The following GPATCH8 variants were observed in gnomAD, a reference collection of about 807,000 sequenced individuals.
GPATCH8 encodes the protein G patch domain-containing protein 8.
GPATCH8 carries 18 observed loss-of-function variants against 118.3 expected under a neutral mutation model. That is an observed-to-expected ratio of 0.15 (90% CI 0.11 to 0.23). The LOEUF is 0.23. Ranked by LOEUF, GPATCH8 falls within the 10% of genes least tolerant of loss-of-function variation. GPATCH8 has a pLI of 1.00. For synonymous variants in GPATCH8, 659 were observed against 684.7 expected, an observed-to-expected ratio of 0.96 and a Z score of 0.59; for missense variants, 1,631 against 1,873.8, an observed-to-expected ratio of 0.87 and a Z score of 2.39.
chr17:44,479,926 C>T lies in GPATCH8; in HGVS notation c.46-5023G>A, dbSNP rs374668898. Reference sequence around the variant, plus strand: ...AGGTTGCAGTGAGCCGAGACTGCGCCACTGCACTCCAGCTTGGCGACAGAG... The same window carrying T: ...AGGTTGCAGTGAGCCGAGACTGCGCTACTGCACTCCAGCTTGGCGACAGAG... On this transcript the variant is annotated intron_variant, in intron 1 of 7. Coordinates refer to ENST00000591680, the MANE Select transcript of GPATCH8 (RefSeq NM_001002909.4). 1.7e-3 allele frequency among the ~76,000 whole-genome samples: 264 copies of T among 150,996 alleles called. 14 individuals are homozygous for T. The South Asian group carries it at 0.054, about 31-fold the overall frequency.
chr17:44,500,301 C>A (rs1178162169), intron 1 of GPATCH8, among the ~76,000 whole-genome samples: 1 of 152,096 alleles, frequency 6.6e-6, no homozygotes, highest in Non-Finnish European at 1.5e-5. Flanking sequence ...CAGCTGAAAA[C>A]GGCAGTAATA....
At chr17:44,501,007 A>G (rs1182297317) in intron 1 of GPATCH8, among the ~76,000 whole-genome samples, 1 of 152,224 alleles carries the variant, frequency 6.6e-6, no homozygotes, top group Non-Finnish European at 1.5e-5. Flanking sequence ...TTTTCAATGA[A>G]TGTACTTTAG....
intron 3 of GPATCH8, among the ~76,000 whole-genome samples, chr17:44,460,715 TGTGAA>T (rs1441810317): frequency 1.3e-5 from 2 of 152,238 alleles, no homozygotes; most frequent in Non-Finnish European, 2.9e-5. Flanking sequence ...AACTAGTCAA[TGTGAA>T]GAACTTACAA....
At chr17:44,414,521 A>G (rs115253053) in intron 6 of GPATCH8, among the ~76,000 whole-genome samples, 39 of 152,272 alleles carry the variant, frequency 2.6e-4, no homozygotes, top group African/African-American at 8.9e-4. Flanking sequence ...GTTGCCCAGG[A>G]TAGTCTCAAA....
intron 5 of GPATCH8, among the ~76,000 whole-genome samples, chr17:44,434,772 A>C (rs2050439785): frequency 6.6e-6 from 1 of 152,224 alleles, no homozygotes; most frequent in Non-Finnish European, 1.5e-5. Context: ...AAGGACTTTT[A>C]ACAATTTTTA....
chr17:44,453,659 G>A (rs180909412), intron 3 of GPATCH8, among the ~76,000 whole-genome samples: 2 of 151,920 alleles, frequency 1.3e-5, no homozygotes, highest in Admixed American at 1.3e-4. Flanking sequence ...CAAGTAGCTG[G>A]GACTAAGGGT....
intron 3 of GPATCH8, 55 bp downstream of exon 3, chr17:44,464,417 G>T: frequency 1.0e-6 from 1 of 998,096 alleles, no homozygotes; most frequent in Non-Finnish European, 1.6e-6. Context: ...TCAGGTACAA[G>T]ATCTGCATCA....
At chr17:44,477,473 G>A (rs1313076056) in intron 1 of GPATCH8, among the ~76,000 whole-genome samples, 1 of 151,950 alleles carries the variant, frequency 6.6e-6, no homozygotes, top group African/African-American at 2.4e-5. Flanking sequence ...TGGGCTCAAG[G>A]AGCCCAGCCT....
rs562567318 is a variant in GPATCH8 at position 44,434,441 on chromosome 17, C to T, written c.348+624G>A. Among the ~76,000 whole-genome samples, 8 of 152,298 alleles carry T rather than the reference C, an allele frequency of 5.3e-5. No homozygotes were observed. The South Asian group carries it at 1.5e-3, about 28-fold the overall frequency. On this transcript the variant is annotated intron_variant, in intron 5 of 7. Coordinates refer to ENST00000591680, the MANE Select transcript of GPATCH8 (RefSeq NM_001002909.4). Reference sequence around the variant, plus strand: ...AAAGGGGGTCAAGCGCGGTGACTTACGCCTGAAATCCCAGCAAACTGGGAA... The same window carrying T: ...AAAGGGGGTCAAGCGCGGTGACTTATGCCTGAAATCCCAGCAAACTGGGAA...
At position 44,483,176 on chromosome 17, in the gene GPATCH8, AATATAT is replaced by A. The variant is rs1163758356; in HGVS notation, c.46-8279_46-8274del. 7.4e-3 allele frequency among the ~76,000 whole-genome samples: 96 copies of A among 12,924 alleles called. 5 individuals carry two copies. Among genetic ancestry groups the A allele is most frequent in the African/African-American group, 0.012 (52 of 4,344 alleles). The allele number at this position is 12,924 out of a possible 152,430, so 8.5% of individuals were successfully genotyped here. A position where few individuals can be genotyped will look rare whatever the true frequency, so the allele number is the denominator to read the frequency against. On this transcript the variant is annotated intron_variant, in intron 1 of 7. Coordinates refer to ENST00000591680, the MANE Select transcript of GPATCH8 (RefSeq NM_001002909.4). ...TCTCAAAAAAAAAAAAAAAAAAAAA[AATATAT>A]ATATATATATATATATATATATATA...
At position 44,414,089 on chromosome 17, in the gene GPATCH8, A is replaced by G. The variant is rs185547384; in HGVS notation, c.493-8038T>C. On this transcript the variant is annotated intron_variant, in intron 6 of 7. Transcript: ENST00000591680. ...TATATATATATATATATGTGTGTGT[A>G]TATATATATATGTGTGTATATATAT... Among the ~76,000 whole-genome samples, 1,283 of 136,622 alleles carry G rather than the reference A, an allele frequency of 9.4e-3. 19 individuals carry two copies. Among genetic ancestry groups the G allele is most frequent in the Middle Eastern group, 0.054 (15 of 276 alleles). 89.6% of individuals were successfully genotyped at this position (136,622 alleles called of 152,430 possible).
At chr17:44,424,751 C>A (rs544067570) in intron 5 of GPATCH8, among the ~76,000 whole-genome samples, 2 of 152,048 alleles carry the variant, frequency 1.3e-5, no homozygotes, top group Non-Finnish European at 2.9e-5. Context: ...GCAAATATTC[C>A]AAAACCCCCA....
At chr17:44,483,016 C>T (rs1334233880) in intron 1 of GPATCH8, among the ~76,000 whole-genome samples, 1 of 147,482 alleles carries the variant, frequency 6.8e-6, no homozygotes, top group African/African-American at 2.5e-5. Context: ...ATTAGCCAGG[C>T]ATGGTGGCTG....
intron 3 of GPATCH8, among the ~76,000 whole-genome samples, chr17:44,449,463 A>G (rs1047141487): frequency 4.0e-5 from 6 of 151,262 alleles, no homozygotes; most frequent in African/African-American, 1.5e-4. Context: ...TCAGCCTCCC[A>G]AAGTGCTGGG....
chr17:44,440,137 T>C (rs1372408729), intron 3 of GPATCH8, among the ~76,000 whole-genome samples: 2 of 152,148 alleles, frequency 1.3e-5, no homozygotes, highest in African/African-American at 4.8e-5. Context: ...TCTTTTAAAA[T>C]ACAGCAAATA....
intron 2 of GPATCH8, among the ~76,000 whole-genome samples, chr17:44,471,466 T>A (rs558680268): frequency 6.6e-6 from 1 of 152,094 alleles, no homozygotes; most frequent in African/African-American, 2.4e-5. Flanking sequence ...TGCAGAGACC[T>A]CCACGGTTAC....
At chr17:44,426,560 C>T (rs963148510) in intron 5 of GPATCH8, among the ~76,000 whole-genome samples, 2 of 146,742 alleles carry the variant, frequency 1.4e-5, no homozygotes, top group Non-Finnish European at 3.0e-5. Context: ...GCCAAGATTG[C>T]GCCACTGCAC....
intron 1 of GPATCH8, among the ~76,000 whole-genome samples, chr17:44,495,423 T>C (rs1026815703): frequency 1.3e-5 from 2 of 152,228 alleles, no homozygotes; most frequent in Non-Finnish European, 2.9e-5. Flanking sequence ...TTAGCTATAC[T>C]GTTTTTCTGA....
chr17:44,429,916 C>A (rs532021423), intron 5 of GPATCH8, among the ~76,000 whole-genome samples: 1 of 151,954 alleles, frequency 6.6e-6, no homozygotes, highest in African/African-American at 2.4e-5. Flanking sequence ...GTAATCCCAG[C>A]TACTTGGGTG....
Sources: allele counts gnomAD v4.1 joint callset (sites outside exome capture counted in the v4.1 genomes callset), GRCh38; gene constraint gnomAD v4.1.1; transcripts MANE v1.5; gene names NCBI Gene and HGNC (gene_info 2026-07-23, HGNC 2026-07-21).